DNAJB4: variants seen among roughly 807,000 people sequenced by gnomAD.
DNAJB4 encodes the protein DnaJ heat shock protein family (Hsp40) member B4.
Under a neutral mutation model 26.6 loss-of-function variants are expected in DNAJB4, and 10 were observed. The observed-to-expected ratio is 0.38, with a 90% confidence interval of 0.23 to 0.64. The LOEUF (loss-of-function observed/expected upper bound fraction) is 0.64, where lower values mean the gene tolerates loss of function less well. DNAJB4 is among the 30% of genes least tolerant of loss of function. DNAJB4 has a pLI of 0.58. For missense variants in DNAJB4, 328 were observed against 408.2 expected, an observed-to-expected ratio of 0.80 and a Z score of 1.69; for synonymous variants, 136 against 134.8, an observed-to-expected ratio of 1.01 and a Z score of -0.06.
intron 1 of DNAJB4, among the ~76,000 whole-genome samples, chr1:77,985,680 G>A (rs1048062333): frequency 6.6e-6 from 1 of 152,070 alleles, no homozygotes; most frequent in South Asian, 2.1e-4. Flanking sequence ...AATGAAGATT[G>A]AGAGGTTTTA....
rs1660668006 is a variant in DNAJB4 at position 78,017,392 on chromosome 1, C to T, written c.*1145C>T. On this transcript the variant is annotated 3_prime_UTR_variant, in exon 3 of 3. Coordinates refer to ENST00000370763, the MANE Select transcript of DNAJB4 (RefSeq NM_007034.5). ...AAATTTTTGGTTATAAAATAGTTTTCAGGATTATATATATATATACTGGAT... is the reference window on the plus strand; with the variant it reads ...AAATTTTTGGTTATAAAATAGTTTTTAGGATTATATATATATATACTGGAT... 2 of 151,558 alleles carry T rather than the reference C, an allele frequency of 1.3e-5. No individual in the cohort carries two copies. Among genetic ancestry groups the T allele is most frequent in the Non-Finnish European group, 2.9e-5 (2 of 67,818 alleles). The allele number at this position is 151,558 out of a possible 1,614,324, so 9.4% of individuals were successfully genotyped here.
chr1:77,982,264 AAAAC>A (rs1292888929), intron 1 of DNAJB4, among the ~76,000 whole-genome samples: 1 of 152,242 alleles, frequency 6.6e-6, no homozygotes, highest in Non-Finnish European at 1.5e-5. Context: ...TGTTGCCTCA[AAAAC>A]AAAATGTCTA....
Position 77,988,032 on chromosome 1 carries a change from T to TC in DNAJB4, c.-32+7722dup, listed in dbSNP as rs112719953. Reference sequence around the variant, plus strand: ...ATATATATATGTGTGTGTGTGTATTTCCCCCCCCCCCCAGACAGTGTCTCA... The same window carrying TC: ...ATATATATATGTGTGTGTGTGTATTTCCCCCCCCCCCCCAGACAGTGTCTCA... On this transcript the variant is annotated intron_variant, in intron 1 of 2. Transcript: ENST00000426517. Among the ~76,000 whole-genome samples, 392 of 124,296 alleles carry TC rather than the reference T, an allele frequency of 3.2e-3. 3 individuals carry two copies. Among genetic ancestry groups the TC allele is most frequent in the South Asian group, 9.2e-3 (34 of 3,712 alleles). The allele number at this position is 124,296 out of a possible 152,430, so 81.5% of individuals were successfully genotyped here. A position where few individuals can be genotyped will look rare whatever the true frequency, so the allele number is the denominator to read the frequency against.
rs775667040 is a variant in DNAJB4 at position 78,013,520 on chromosome 1, T to G, written c.681T>G (p.Ile227Met). The G allele has an allele frequency of 6.2e-7, 1 of 1,613,852 alleles. No homozygotes were observed. The highest frequency in any genetic ancestry group is 8.5e-7 in the Non-Finnish European group (1 of 1,180,000). ...PREGDETPNS[I>M]PADIVFIIKD... The stretch of plus-strand genomic sequence containing the variant: ...AAGGAGATGAAACACCAAATAGTAT[T>G]CCAGCAGACATTGTTTTTATCATTA... The change falls in exon 2 of 3, where the codon ATT (isoleucine) becomes ATG (methionine). Residue 227 changes from isoleucine to methionine, a missense_variant. Physicochemically the swap from Ile to Met is conservative, Grantham distance 10 (BLOSUM62 1). Transcript: ENST00000370763.
chr1:77,982,548 C>T (rs575532171), intron 1 of DNAJB4, among the ~76,000 whole-genome samples: 338 of 11,408 alleles, frequency 0.03, 1 homozygote, highest in African/African-American at 0.092. Context: ...GTAGGCTGGG[C>T]GAGGTGCCTC....
intron 1 of DNAJB4, among the ~76,000 whole-genome samples, chr1:77,986,447 C>A (rs753522059): frequency 9.2e-5 from 14 of 152,182 alleles, no homozygotes; most frequent in Non-Finnish European, 2.1e-4. Flanking sequence ...TTCTTCCGTT[C>A]CTCTAGTCTC....
At chr1:77,993,253 C>G (rs556352618) in intron 1 of DNAJB4, among the ~76,000 whole-genome samples, 9 of 152,232 alleles carry the variant, frequency 5.9e-5, no homozygotes, top group African/African-American at 2.2e-4. Context: ...CGCTGTCTGG[C>G]AAAAGCAACA....
At chr1:77,999,434 T>G (rs910065819) in intron 1 of DNAJB4, among the ~76,000 whole-genome samples, 4 of 151,766 alleles carry the variant, frequency 2.6e-5, no homozygotes, top group East Asian at 3.9e-4. Flanking sequence ...GAACAGGTTT[T>G]TTTTTTTTTT....
At chr1:77,983,220 A>G (rs1659705953) in intron 1 of DNAJB4, among the ~76,000 whole-genome samples, 1 of 152,264 alleles carries the variant, frequency 6.6e-6, no homozygotes, top group Non-Finnish European at 1.5e-5. Flanking sequence ...TGCTTTACAA[A>G]GCAGTATTGC....
In DNAJB4 at chr1:78,016,827, G is replaced by A. The variant is rs1174767150; in HGVS notation, c.*580G>A. 1 of 152,074 alleles carries A rather than the reference G, an allele frequency of 6.6e-6. No individual in the cohort carries two copies. The highest frequency in any genetic ancestry group is 1.5e-5 in the Non-Finnish European group (1 of 67,982). 9.4% of individuals were successfully genotyped at this position (152,074 alleles called of 1,614,324 possible). On this transcript the variant is annotated 3_prime_UTR_variant, in exon 3 of 3. Coordinates refer to ENST00000370763, the MANE Select transcript of DNAJB4 (RefSeq NM_007034.5). ...ATAACATCGTTGTGATGTTCTTAAG[G>A]CAGATCTTTCTTCATAAAAAGGAAA... is the stretch of plus-strand genomic sequence containing the variant.
chr1:77,980,339 A>ATATATATATGTGTGTG (rs1477495217), intron 1 of DNAJB4: 1 of 126,132 alleles, frequency 7.9e-6, no homozygotes, highest in African/African-American at 3.9e-5. Flanking sequence ...ATATATATAT[A>ATATATATATGTGTGTG]TGTGTGTGTG....
chr1:77,993,984 A>T (rs535190326), intron 1 of DNAJB4, among the ~76,000 whole-genome samples: 62 of 152,338 alleles, frequency 4.1e-4, no homozygotes, highest in African/African-American at 1.3e-3. Flanking sequence ...TTTGGTAGCC[A>T]TTATTAAAGT....
upstream of DNAJB4, chr1:77,979,337 G>GCCTGACACGTAAATCCCGC: frequency 3.5e-6 from 1 of 287,200 alleles, no homozygotes. Flanking sequence ...GGTGATAGTG[G>GCCTGACACGTAAATCCCGC]CCAGTTGACT....
At chr1:78,003,446 A>G (rs915797116), upstream of DNAJB4, among the ~76,000 whole-genome samples, 15 of 152,240 alleles carry the variant, frequency 9.9e-5, no homozygotes, top group African/African-American at 3.6e-4. Flanking sequence ...AGCTGTCAAA[A>G]TGCACAAAGA....
upstream of DNAJB4, among the ~76,000 whole-genome samples, chr1:78,000,878 G>A (rs1209951590): frequency 2.6e-4 from 39 of 152,130 alleles, no homozygotes; most frequent in Non-Finnish European, 1.5e-5. Context: ...CAGCTATTCG[G>A]GAGGCTGAAG....
chr1:77,997,957 T>C (rs186327936), intron 1 of DNAJB4, among the ~76,000 whole-genome samples: 1 of 152,168 alleles, frequency 6.6e-6, no homozygotes, highest in Non-Finnish European at 1.5e-5. Flanking sequence ...CCAGCTAATT[T>C]TGTATTTTCA....
chr1:77,994,998 G>A (rs529269935), intron 1 of DNAJB4, among the ~76,000 whole-genome samples: 2 of 151,936 alleles, frequency 1.3e-5, no homozygotes, highest in Admixed American at 6.6e-5. Context: ...TAGTACTGCC[G>A]ACTAGAAGGA....
intron 1 of DNAJB4, among the ~76,000 whole-genome samples, chr1:77,986,638 A>G (rs1423754621): frequency 6.6e-6 from 1 of 152,340 alleles, no homozygotes; most frequent in South Asian, 2.1e-4. Flanking sequence ...ACCATTTGCT[A>G]CTTCAGTGAC....
intron 1 of DNAJB4, among the ~76,000 whole-genome samples, chr1:77,999,167 A>G (rs1049352919): frequency 6.6e-6 from 1 of 152,220 alleles, no homozygotes; most frequent in African/African-American, 2.4e-5. Flanking sequence ...TTGATTTTAT[A>G]TAACTATTTA....
Sources: gnomAD v4.1 joint callset for allele counts (sites outside exome capture counted in the v4.1 genomes callset) on GRCh38, gnomAD v4.1.1 for gene constraint, MANE v1.5 for transcripts, NCBI Gene and HGNC (gene_info 2026-07-23, HGNC 2026-07-21) for gene names.